The following PCDH15 variants were observed in gnomAD, a reference collection of about 807,000 sequenced individuals.
PCDH15 encodes the protein protocadherin related 15, also known as protocadherin-15.
A neutral mutation model predicts 178.5 loss-of-function variants in PCDH15; 129 were observed. The ratio of observed to expected loss-of-function variants is 0.72; its 90% confidence interval spans 0.63 to 0.84. PCDH15 has a LOEUF of 0.84. PCDH15 is among the 40% of genes least tolerant of loss of function. The pLI, the probability that PCDH15 is intolerant of heterozygous loss-of-function variation, is 0.00. For synonymous variants in PCDH15, 800 were observed against 732.0 expected, an observed-to-expected ratio of 1.09 and a Z score of -1.50; for missense variants, 2,230 against 2,099.9, an observed-to-expected ratio of 1.06 and a Z score of -1.21.
intron 8 of PCDH15, among the ~76,000 whole-genome samples, chr10:54,287,042 T>A (rs1463515450): frequency 1.3e-5 from 2 of 152,224 alleles, no homozygotes; most frequent in Non-Finnish European, 2.9e-5. Context: ...TAGCATAAGA[T>A]CTGAAACTGA....
intron 13 of PCDH15, among the ~76,000 whole-genome samples, chr10:54,160,491 T>C (rs1452322157): frequency 1.3e-5 from 2 of 152,046 alleles, no homozygotes; most frequent in Non-Finnish European, 2.9e-5. Context: ...TAGGAGAAAA[T>C]CTTTGTGAAT....
chr10:55,492,974 A>C (rs1448257164), intron 2 of PCDH15, among the ~76,000 whole-genome samples: 1 of 151,784 alleles, frequency 6.6e-6, no homozygotes, highest in East Asian at 2.0e-4. Flanking sequence ...TGGCTGAAGA[A>C]ATAATCAGTA....
intron 2 of PCDH15, among the ~76,000 whole-genome samples, chr10:54,914,302 G>T (rs1052901757): frequency 1.3e-5 from 2 of 151,990 alleles, no homozygotes; most frequent in African/African-American, 2.4e-5. Context: ...AAAAGGGTGT[G>T]GCACCTTCCT....
intron 1 of PCDH15, among the ~76,000 whole-genome samples, chr10:55,191,186 A>T (rs370263562): frequency 1.3e-5 from 2 of 151,552 alleles, no homozygotes; most frequent in South Asian, 4.1e-4. Context: ...GTCCCTATTG[A>T]ATCTTTATTA....
At chr10:53,866,568 T>C in intron 27 of PCDH15, 74 bp downstream of exon 27, 3 of 1,108,856 alleles carry the variant, frequency 2.7e-6, no homozygotes, top group Non-Finnish European at 4.1e-6. Context: ...ATCTTAGAAG[T>C]TCTATAAACT....
intron 3 of PCDH15, among the ~76,000 whole-genome samples, chr10:54,402,389 A>T (rs1409294052): frequency 6.6e-6 from 1 of 152,040 alleles, no homozygotes; most frequent in Non-Finnish European, 1.5e-5. Context: ...TATATTAACA[A>T]CAAAGAAGAA....
intron 26 of PCDH15, among the ~76,000 whole-genome samples, chr10:53,888,339 T>TATATACGTATATATATATGTACGTAC: frequency 9.1e-6 from 1 of 109,564 alleles, no homozygotes; most frequent in East Asian, 2.9e-4. Flanking sequence ...TATGTACGTA[T>TATATACGTATATATATATGTACGTAC]ATATATATAC....
intron 20 of PCDH15, among the ~76,000 whole-genome samples, chr10:53,998,760 A>G (rs965329470): frequency 6.6e-6 from 1 of 152,176 alleles, no homozygotes; most frequent in Non-Finnish European, 1.5e-5. Context: ...CTTTTTAAAA[A>G]TAACGTGTAG....
intron 26 of PCDH15, among the ~76,000 whole-genome samples, chr10:53,901,688 C>T (rs2082345545): frequency 6.6e-6 from 1 of 152,140 alleles, no homozygotes; most frequent in Admixed American, 6.5e-5. Context: ...CATTTCCTAC[C>T]AGACTTTTTC....
chr10:53,823,217 C>T lies in PCDH15; in HGVS notation c.4368-2987G>A, dbSNP rs905422262. ...TTCTTGCAGACTTCAGTTTGTTGCT[C>T]TTAAGTGATCCGTCTACATGAGCTG... On this transcript the variant is annotated intron_variant, in intron 32 of 37. Coordinates refer to ENST00000644397, the MANE Select transcript of PCDH15 (RefSeq NM_001384140.1). The T allele has an allele frequency of 1.3e-5, 21 of 1,613,908 alleles. No homozygotes were observed. Among genetic ancestry groups the T allele is most frequent in the Non-Finnish European group, 1.7e-5 (20 of 1,179,986 alleles).
chr10:55,069,539 G>C (rs2132010637), intron 2 of PCDH15, among the ~76,000 whole-genome samples: 2 of 138,254 alleles, frequency 1.4e-5, no homozygotes, highest in African/African-American at 5.4e-5. Flanking sequence ...TTGGTTTTTT[G>C]TTCTTGCGAT....
chr10:53,984,238 C>T (rs967912597), intron 21 of PCDH15, among the ~76,000 whole-genome samples: 37 of 149,182 alleles, frequency 2.5e-4, no homozygotes, highest in African/African-American at 8.9e-4. Context: ...CAAGTTCCGC[C>T]TCCTGGGTTC....
intron 5 of PCDH15, among the ~76,000 whole-genome samples, chr10:54,366,320 G>C (rs1298451918): frequency 2.0e-5 from 3 of 151,786 alleles, no homozygotes; most frequent in Non-Finnish European, 4.4e-5. Context: ...CGATTTTTTT[G>C]GAAAAACATT....
chr10:55,031,359 C>T (rs1840604503), intron 2 of PCDH15, among the ~76,000 whole-genome samples: 1 of 152,108 alleles, frequency 6.6e-6, no homozygotes, highest in African/African-American at 2.4e-5. Context: ...CAGATTACTC[C>T]CAGCTAAAAG....
At chr10:54,902,351 C>G (rs1954650834) in intron 2 of PCDH15, among the ~76,000 whole-genome samples, 1 of 152,134 alleles carries the variant, frequency 6.6e-6, no homozygotes, top group African/African-American at 2.4e-5. Context: ...GGGGAGGAGG[C>G]TGGTGGGAGA....
intron 28 of PCDH15, among the ~76,000 whole-genome samples, chr10:53,852,018 A>T (rs1225796784): frequency 6.6e-6 from 1 of 151,942 alleles, no homozygotes; most frequent in Non-Finnish European, 1.5e-5. Context: ...GTTCCGATTC[A>T]TACAAAAATA....
At chr10:53,940,031 T>C (rs955812039) in intron 24 of PCDH15, among the ~76,000 whole-genome samples, 3 of 152,124 alleles carry the variant, frequency 2.0e-5, no homozygotes, top group Admixed American at 2.0e-4. Context: ...CGGGCAGCAA[T>C]ACCTAGTAAT....
intron 2 of PCDH15, among the ~76,000 whole-genome samples, chr10:55,622,022 TTATA>T (rs923592108): frequency 1.4e-5 from 2 of 142,300 alleles, no homozygotes; most frequent in African/African-American, 5.2e-5. Context: ...TAATAAATAT[TTATA>T]TATGTATATA....
chr10:55,330,864 G>GTGTGTGTGTA (rs887905432), intron 2 of PCDH15, among the ~76,000 whole-genome samples: 1 of 151,256 alleles, frequency 6.6e-6, no homozygotes, highest in Admixed American at 6.6e-5. Context: ...GTGTGTGTGT[G>GTGTGTGTGTA]TGTGTATGTG....
Sources: allele counts gnomAD v4.1 joint callset (sites outside exome capture counted in the v4.1 genomes callset), GRCh38; gene constraint gnomAD v4.1.1; transcripts MANE v1.5; gene names NCBI Gene and HGNC (gene_info 2026-07-23, HGNC 2026-07-21).